Variants in ZBTB7C observed in about 807,000 individuals in gnomAD.
ZBTB7C encodes zinc finger and BTB domain-containing protein 7C.
ZBTB7C carries 8 observed loss-of-function variants against 25.7 expected under a neutral mutation model. The observed-to-expected ratio is 0.31, with a 90% CI of 0.18 to 0.56. The LOEUF (loss-of-function observed/expected upper bound fraction) is 0.56, where lower values mean the gene tolerates loss of function less well. ZBTB7C is among the 20% of genes least tolerant of loss of function. ZBTB7C has a pLI of 0.91. For synonymous variants in ZBTB7C, 394 were observed against 369.0 expected (o/e 1.07, Z -0.78); for missense variants, 824 against 855.2 (o/e 0.96, Z 0.46).
At chr18:48,248,733 AAATGAAAGGCATATAAAAC>A (rs2043766408) in intron 2 of ZBTB7C, among the ~76,000 whole-genome samples, 1 of 152,204 alleles carries the variant, frequency 6.6e-6, no homozygotes, top group Non-Finnish European at 1.5e-5. Context: ...ATAAATGATT[AAATGAAAGGCATATAAAAC>A]ACACAAGAGA....
chr18:48,178,224 T>C (rs765528076), intron 3 of ZBTB7C, among the ~76,000 whole-genome samples: 1 of 152,230 alleles, frequency 6.6e-6, no homozygotes, highest in Non-Finnish European at 1.5e-5. Flanking sequence ...CGGACCCCTG[T>C]GGAGGGAGGC....
chr18:48,071,266 C>T (rs906951363), intron 3 of ZBTB7C, among the ~76,000 whole-genome samples: 15 of 152,236 alleles, frequency 9.9e-5, no homozygotes, highest in Admixed American at 7.2e-4. Flanking sequence ...CTCTAAGAAA[C>T]GTCTGGTCAT....
In ZBTB7C at chr18:48,311,214, T is replaced by G. The variant is rs180677473; in HGVS notation, c.-79+26960A>C. Among the ~76,000 whole-genome samples, 162 of 152,278 alleles carry G rather than the reference T, an allele frequency of 1.1e-3. 1 individual carries two copies. Among genetic ancestry groups the G allele is most frequent in the Admixed American group, 2.0e-3 (31 of 15,288 alleles). ...CAGTAGATGTCTGTTCTCTTGTCTT[T>G]CTCACCCCCTGCCTGCCCGTGGTGG... On this transcript the variant is annotated intron_variant, in intron 2 of 4. Coordinates refer to ENST00000590800, the MANE Select transcript of ZBTB7C (RefSeq NM_001318841.2).
chr18:48,168,771 T>C (rs1188358983), intron 3 of ZBTB7C, among the ~76,000 whole-genome samples: 2 of 152,202 alleles, frequency 1.3e-5, no homozygotes, highest in African/African-American at 4.8e-5. Context: ...TTCGTGGAAG[T>C]TGCGTAAAGG....
chr18:48,387,285 T>A (rs561672491), intron 1 of ZBTB7C, among the ~76,000 whole-genome samples: 1 of 152,288 alleles, frequency 6.6e-6, no homozygotes, highest in African/African-American at 2.4e-5. Context: ...AAAGGTAAAG[T>A]GTGCCGAATA....
chr18:48,388,796 A>T (rs1052324223), intron 1 of ZBTB7C, among the ~76,000 whole-genome samples: 1 of 152,230 alleles, frequency 6.6e-6, no homozygotes, highest in Non-Finnish European at 1.5e-5. Context: ...AGTATCACAG[A>T]AGTTGGAGCT....
chr18:48,126,110 C>T (rs1177668158), intron 3 of ZBTB7C, among the ~76,000 whole-genome samples: 1 of 152,200 alleles, frequency 6.6e-6, no homozygotes, highest in African/African-American at 2.4e-5. Context: ...CAAAAATTTA[C>T]ATACAGGTAT....
intron 3 of ZBTB7C, among the ~76,000 whole-genome samples, chr18:48,109,088 C>A (rs2039139299): frequency 1.3e-5 from 2 of 152,118 alleles, no homozygotes; most frequent in African/African-American, 2.4e-5. Context: ...AGCAAGACCA[C>A]ACAGCTCCCA....
chr18:48,185,359 C>T (rs1332927968), intron 3 of ZBTB7C: 2 of 445,172 alleles, frequency 4.5e-6, no homozygotes, highest in Non-Finnish European at 9.0e-6. Context: ...ATGCAGGTGT[C>T]TTCTCTTCCT....
intron 3 of ZBTB7C, among the ~76,000 whole-genome samples, chr18:48,091,222 C>T (rs567804943): frequency 6.7e-6 from 1 of 149,038 alleles, no homozygotes; most frequent in Admixed American, 6.7e-5. Flanking sequence ...CAGGCATGTG[C>T]CACTATGCCC....
chr18:48,209,762 A>G (rs1413386069), intron 2 of ZBTB7C, among the ~76,000 whole-genome samples: 1 of 152,186 alleles, frequency 6.6e-6, no homozygotes, highest in Non-Finnish European at 1.5e-5. Flanking sequence ...CTCTTAAAAA[A>G]AAAAAAAATC....
chr18:48,402,493 T>G (rs146779069), intron 1 of ZBTB7C, among the ~76,000 whole-genome samples: 170 of 152,306 alleles, frequency 1.1e-3, no homozygotes, highest in African/African-American at 4.0e-3. Flanking sequence ...TCTAAGCACA[T>G]TCACAATGTG....
intron 3 of ZBTB7C, among the ~76,000 whole-genome samples, chr18:48,053,740 T>C (rs1598788396): frequency 6.6e-6 from 1 of 152,110 alleles, no homozygotes; most frequent in Non-Finnish European, 1.5e-5. Context: ...ATGAAAGAGA[T>C]GGAGCTCCTG....
intron 3 of ZBTB7C, among the ~76,000 whole-genome samples, chr18:48,074,664 A>T (rs2144425744): frequency 6.6e-6 from 1 of 152,380 alleles, no homozygotes; most frequent in South Asian, 2.1e-4. Flanking sequence ...GGAACAGAGT[A>T]ATCTGGTGTT....
intron 3 of ZBTB7C, chr18:48,150,880 G>T (rs1256676044): frequency 1.3e-5 from 2 of 152,208 alleles, no homozygotes; most frequent in African/African-American, 4.8e-5. Flanking sequence ...GCTGTGCAAG[G>T]ACTGAAGCAT....
chr18:48,240,970 G>A (rs1188286087), intron 2 of ZBTB7C, among the ~76,000 whole-genome samples: 1 of 151,888 alleles, frequency 6.6e-6, no homozygotes, highest in Non-Finnish European at 1.5e-5. Context: ...TAACACATAA[G>A]GACTCACATA....
intron 3 of ZBTB7C, among the ~76,000 whole-genome samples, chr18:48,082,700 G>A (rs187723990): frequency 7.1e-6 from 1 of 140,486 alleles, no homozygotes; most frequent in South Asian, 2.1e-4. Flanking sequence ...CTGGGCATGA[G>A]TTTTATGTAA....
intron 3 of ZBTB7C, among the ~76,000 whole-genome samples, chr18:48,064,125 G>C (rs2037231037): frequency 6.6e-6 from 1 of 152,192 alleles, no homozygotes; most frequent in Admixed American, 6.5e-5. Flanking sequence ...ATATGCAGCT[G>C]CTGGATGGGG....
intron 2 of ZBTB7C, among the ~76,000 whole-genome samples, chr18:48,271,764 A>G (rs561668391): frequency 2.6e-5 from 4 of 152,136 alleles, no homozygotes; most frequent in Non-Finnish European, 5.9e-5. Context: ...AGCATTTGAC[A>G]AAATTCCATA....
Sources: gnomAD v4.1 joint callset for allele counts (sites outside exome capture counted in the v4.1 genomes callset) on GRCh38, gnomAD v4.1.1 for gene constraint, MANE v1.5 for transcripts, NCBI Gene and HGNC (gene_info 2026-07-23, HGNC 2026-07-21) for gene names.